Variants in STK3 observed in about 807,000 individuals in gnomAD.
STK3 encodes the protein serine/threonine-protein kinase 3.
In STK3, 41 loss-of-function variants were observed where a neutral mutation model predicts 58.0. That is an observed-to-expected ratio of 0.71 (90% CI 0.55 to 0.92). STK3 has a LOEUF of 0.92. Ranked by LOEUF, STK3 falls within the 40% of genes least tolerant of loss-of-function variation. The pLI is 0.00. For synonymous variants in STK3, 170 were observed against 191.0 expected, an observed-to-expected ratio of 0.89 and a Z score of 0.91; for missense variants, 479 against 602.7, an observed-to-expected ratio of 0.79 and a Z score of 2.15.
At chr8:98,510,836 C>A (rs1208899211) in intron 10 of STK3, among the ~76,000 whole-genome samples, 1 of 151,856 alleles carries the variant, frequency 6.6e-6, no homozygotes, top group East Asian at 1.9e-4. Flanking sequence ...AAATAGGATA[C>A]CCTGTGAGTA....
intron 1 of STK3, among the ~76,000 whole-genome samples, chr8:98,887,554 T>C (rs994176873): frequency 2.6e-5 from 4 of 152,204 alleles, no homozygotes; most frequent in Admixed American, 1.3e-4. Context: ...TCAGCATATA[T>C]GTTTGCCTTC....
At chr8:98,416,324 A>G (rs1404826986) in intron 3 of STK3, among the ~76,000 whole-genome samples, 1 of 148,324 alleles carries the variant, frequency 6.7e-6, no homozygotes, top group Non-Finnish European at 1.5e-5. Context: ...ACTTCTGGGA[A>G]GTCTAAATTT....
At chr8:98,383,431 A>G (rs1247974223) in intron 1 of STK3, among the ~76,000 whole-genome samples, 1 of 152,224 alleles carries the variant, frequency 6.6e-6, no homozygotes, top group African/African-American at 2.4e-5. Flanking sequence ...CTATTATAGA[A>G]TAGCAGGTGC....
intron 8 of STK3, among the ~76,000 whole-genome samples, chr8:98,578,876 T>G (rs1182228761): frequency 6.6e-6 from 1 of 152,036 alleles, no homozygotes; most frequent in Non-Finnish European, 1.5e-5. Context: ...ACAAACCAGG[T>G]GCAGTGGCTC....
At chr8:98,491,591 C>T in intron 10 of STK3, among the ~76,000 whole-genome samples, 1 of 152,122 alleles carries the variant, frequency 6.6e-6, no homozygotes, top group Non-Finnish European at 1.5e-5. Flanking sequence ...CAAGCGTGTG[C>T]CACTGCACCC....
At chr8:98,821,906 A>T (rs1198621585) in intron 1 of STK3, among the ~76,000 whole-genome samples, 1 of 152,202 alleles carries the variant, frequency 6.6e-6, no homozygotes, top group African/African-American at 2.4e-5. Context: ...ACTGGGCTAC[A>T]CACTGGAATC....
intron 1 of STK3, among the ~76,000 whole-genome samples, chr8:98,916,044 C>T (rs1004525607): frequency 1.3e-4 from 20 of 151,902 alleles, no homozygotes; most frequent in Admixed American, 6.6e-5. Flanking sequence ...TTTTTTCCTG[C>T]TTTGGCATAA....
At chr8:98,366,815 C>T (rs1238406926), downstream of STK3, among the ~76,000 whole-genome samples, 2 of 152,168 alleles carry the variant, frequency 1.3e-5, no homozygotes, top group Admixed American at 6.5e-5. Context: ...TTTTGCCCCA[C>T]ACACGTCTAC....
intron 3 of STK3, among the ~76,000 whole-genome samples, chr8:98,832,280 A>ATC (rs767247905): frequency 5.3e-5 from 8 of 149,890 alleles, no homozygotes; most frequent in Admixed American, 5.3e-4. Context: ...ATAGATATCT[A>ATC]TATATATATT....
intron 1 of STK3, among the ~76,000 whole-genome samples, chr8:98,817,596 A>G (rs1310801756): frequency 6.6e-6 from 1 of 152,152 alleles, no homozygotes; most frequent in Non-Finnish European, 1.5e-5. Flanking sequence ...GAGACTATAG[A>G]TATCCAAACC....
downstream of STK3, among the ~76,000 whole-genome samples, chr8:98,397,192 G>C (rs748705734): frequency 4.6e-5 from 7 of 152,144 alleles, no homozygotes; most frequent in African/African-American, 1.7e-4. Flanking sequence ...CCCTCTGTCC[G>C]ACAGATAAAT....
intron 9 of STK3, among the ~76,000 whole-genome samples, chr8:98,541,246 G>T (rs192997418): frequency 1.3e-5 from 2 of 152,134 alleles, no homozygotes; most frequent in East Asian, 1.9e-4. Flanking sequence ...CTGGAGGGGG[G>T]ACTGGTGGGA....
chr8:98,874,958 A>T (rs957434276), intron 3 of STK3, among the ~76,000 whole-genome samples: 2 of 152,196 alleles, frequency 1.3e-5, no homozygotes, highest in Admixed American at 6.6e-5. Flanking sequence ...TCAGTAAATT[A>T]AAAATACAAG....
intron 1 of STK3, among the ~76,000 whole-genome samples, chr8:98,920,470 G>A (rs1839515235): frequency 6.6e-6 from 1 of 152,208 alleles, no homozygotes. Context: ...GCTGGGTCTG[G>A]GAGCCAGTGG....
intron 2 of STK3, among the ~76,000 whole-genome samples, chr8:98,373,173 A>G (rs890206431): frequency 6.6e-6 from 1 of 152,080 alleles, no homozygotes; most frequent in Admixed American, 6.5e-5. Flanking sequence ...GGCAGTTATT[A>G]TTCTTGCTTT....
intron 1 of STK3, among the ~76,000 whole-genome samples, chr8:98,893,150 G>A (rs1325964047): frequency 6.6e-6 from 1 of 151,972 alleles, no homozygotes; most frequent in African/African-American, 2.4e-5. Context: ...CTCTTTGGGA[G>A]GCCAAGGTTG....
At chr8:98,929,596 G>A (rs1444073129) in intron 1 of STK3, among the ~76,000 whole-genome samples, 1 of 152,178 alleles carries the variant, frequency 6.6e-6, no homozygotes, top group Non-Finnish European at 1.5e-5. Context: ...GTTGCAGTGA[G>A]CCAAGATCAC....
At chr8:98,830,184 C>T (rs1005589167), upstream of STK3, among the ~76,000 whole-genome samples, 3 of 151,916 alleles carry the variant, frequency 2.0e-5, no homozygotes, top group East Asian at 5.8e-4. Context: ...GCCAAGATTG[C>T]GCCACTGCAC....
intron 1 of STK3, among the ~76,000 whole-genome samples, chr8:98,804,022 G>A (rs1179533106): frequency 6.6e-6 from 1 of 150,888 alleles, no homozygotes; most frequent in East Asian, 1.9e-4. Context: ...TTTTTTTTGA[G>A]ACAGAGTCTC....
Sources: allele counts gnomAD v4.1 joint callset (sites outside exome capture counted in the v4.1 genomes callset), GRCh38; gene constraint gnomAD v4.1.1; transcripts MANE v1.5; gene names NCBI Gene and HGNC (gene_info 2026-07-23, HGNC 2026-07-21).